The following EDA variants were observed in gnomAD, a reference collection of about 807,000 sequenced individuals.
EDA encodes ectodysplasin A, also known as ectodysplasin-A.
In EDA, 2 loss-of-function variants were observed where a neutral mutation model predicts 23.6. The observed-to-expected ratio is 0.08, with a 90% CI of 0.03 to 0.27. The LOEUF (loss-of-function observed/expected upper bound fraction) is 0.27, where lower values mean the gene tolerates loss of function less well. Among genes scored for constraint, EDA ranks in the 10% least tolerant of loss-of-function variants. The pLI is 1.00. For missense variants in EDA, 229 were observed against 324.2 expected, an observed-to-expected ratio of 0.71 and a Z score of 2.26; for synonymous variants, 131 against 132.0, an observed-to-expected ratio of 0.99 and a Z score of 0.05.
chrX:69,879,674 GAAC>G (rs1431759953), intron 1 of EDA, among the ~76,000 whole-genome samples: 1 of 112,036 alleles, frequency 8.9e-6, no homozygotes, highest in African/African-American at 3.2e-5. Context: ...CCTCAAAACA[GAAC>G]AAGAAATACT....
chrX:69,736,361 CAG>C (rs1433513657), intron 1 of EDA, among the ~76,000 whole-genome samples: 1 of 110,992 alleles, frequency 9.0e-6, no homozygotes, highest in African/African-American at 3.3e-5. Context: ...TTTTTTGAGA[CAG>C]AGTCTTATTC....
At chrX:69,956,979 T>C in intron 1 of EDA, 48 bp from the exon 2 acceptor site, 8 of 1,124,573 alleles carry the variant, frequency 7.1e-6, no homozygotes, top group Non-Finnish European at 9.8e-6. Flanking sequence ...ATGTTGGCTA[T>C]GACTGAGTGG....
rs1227722943 is a variant in EDA at position 69,987,299 on chromosome X, AATTTTTTTT to A, written c.502+30168_502+30176del. ...TAAAAAAAAAAAAATTAAAAAAAAAAATTTTTTTTTTTAAAAATAAATAAATAAAAAAAA... is the reference window on the plus strand; with the variant it reads ...TAAAAAAAAAAAAATTAAAAAAAAAATTTAAAAATAAATAAATAAAAAAAA... On this transcript the variant is annotated intron_variant, in intron 2 of 7. Coordinates refer to ENST00000374552, the MANE Select transcript of EDA (RefSeq NM_001399.5). Among the ~76,000 whole-genome samples, 882 of 93,188 alleles carry A rather than the reference AATTTTTTTT, an allele frequency of 9.5e-3. 14 individuals are homozygous for A. The highest frequency in any genetic ancestry group is 0.029 in the African/African-American group (763 of 26,171). The allele number at this position is 93,188 out of a possible 115,157, so 80.9% of individuals were successfully genotyped here.
chrX:69,916,782 TAATA>T (rs2018353340), intron 1 of EDA, among the ~76,000 whole-genome samples: 1 of 110,847 alleles, frequency 9.0e-6, no homozygotes, highest in Non-Finnish European at 1.9e-5. Context: ...GTGCCTGGTA[TAATA>T]ATACTCTTTA....
At chrX:70,014,510 C>G (rs1206034979) in intron 2 of EDA, among the ~76,000 whole-genome samples, 1 of 111,986 alleles carries the variant, frequency 8.9e-6, no homozygotes, top group Non-Finnish European at 1.9e-5. Context: ...AGAACTCTGG[C>G]AATTCAAAAA....
chrX:69,800,493 C>G (rs150192870), intron 1 of EDA, among the ~76,000 whole-genome samples: 2,593 of 110,857 alleles, frequency 0.023, 61 homozygotes, highest in African/African-American at 0.082. Flanking sequence ...TCATGTGTAC[C>G]TTATAAATAT....
chrX:70,017,621 G>T (rs1008478319), intron 2 of EDA, among the ~76,000 whole-genome samples: 1 of 111,940 alleles, frequency 8.9e-6, no homozygotes. Flanking sequence ...CTCAATAGAT[G>T]CAGAAAAGGC....
chrX:69,758,192 A>G (rs2014183701), intron 1 of EDA, among the ~76,000 whole-genome samples: 1 of 112,422 alleles, frequency 8.9e-6, no homozygotes, highest in Non-Finnish European at 1.9e-5. Context: ...ATAGGCTTCA[A>G]AAGGTGTTCA....
At chrX:69,676,520 TTGTGTG>T (rs113231038) in intron 1 of EDA, among the ~76,000 whole-genome samples, 5 of 107,639 alleles carry the variant, frequency 4.6e-5, no homozygotes, top group East Asian at 5.9e-4. Flanking sequence ...GCACGTGTGC[TTGTGTG>T]TGTGTGTGTG....
In EDA at chrX:69,661,745, T is replaced by G. The variant is rs1321293691; in HGVS notation, c.396+45041T>G. On this transcript the variant is annotated intron_variant, in intron 1 of 7. Transcript: ENST00000374552. ...ACCAGTACCATGCTGTTTTGGTTAC[T>G]GTAGCCTTGTAGTATAGTTTGAAGT... 2.7e-5 allele frequency among the ~76,000 whole-genome samples: 3 copies of G among 111,762 alleles called. No homozygotes were observed. The South Asian group carries it at 1.1e-3, about 42-fold the overall frequency.
chrX:69,869,995 A>C (rs1460353100), intron 1 of EDA, among the ~76,000 whole-genome samples: 1 of 111,598 alleles, frequency 9.0e-6, no homozygotes, highest in Non-Finnish European at 1.9e-5. Context: ...GGACCCTCCC[A>C]GCTGGGATGA....
At chrX:69,961,629 G>A (rs1268993343) in intron 2 of EDA, among the ~76,000 whole-genome samples, 1 of 112,255 alleles carries the variant, frequency 8.9e-6, no homozygotes, top group African/African-American at 3.2e-5. Context: ...ATAAATGAAA[G>A]CATTGGCTAG....
At chrX:69,744,713 C>T (rs2013563857) in intron 1 of EDA, among the ~76,000 whole-genome samples, 1 of 112,089 alleles carries the variant, frequency 8.9e-6, no homozygotes, top group Non-Finnish European at 1.9e-5. Flanking sequence ...AGCAAAAAGA[C>T]GTTGTGGTTT....
chrX:69,902,634 C>T (rs1370253906), intron 1 of EDA, among the ~76,000 whole-genome samples: 2 of 112,187 alleles, frequency 1.8e-5, no homozygotes, highest in East Asian at 5.6e-4. Flanking sequence ...GTTATTTGAT[C>T]TGGCAGTTTA....
chrX:69,951,021 A>G (rs1173681799), intron 1 of EDA, among the ~76,000 whole-genome samples: 19 of 105,696 alleles, frequency 1.8e-4, no homozygotes, highest in East Asian at 3.1e-4. Context: ...CAGCACACCA[A>G]CATGGCACAT....
Position 69,987,067 on chromosome X carries a change from T to G in EDA, c.502+29935T>G, listed in dbSNP as rs200147599. Reference sequence around the variant, plus strand: ...CATATTCTCACTCATAGGTGGGAATTGAACAATGAGATCACATGGACACAG... The same window carrying G: ...CATATTCTCACTCATAGGTGGGAATGGAACAATGAGATCACATGGACACAG... On this transcript the variant is annotated intron_variant, in intron 2 of 7. Transcript: ENST00000374552. Among the ~76,000 whole-genome samples the G allele has an allele frequency of 2.9e-3, 227 of 77,073 alleles. 7 individuals carry two copies. The East Asian group carries it at 0.063, about 21-fold the overall frequency. 66.9% of individuals were successfully genotyped at this position (77,073 alleles called of 115,157 possible).
chrX:69,785,488 A>G (rs1356572360), intron 1 of EDA, among the ~76,000 whole-genome samples: 2 of 107,693 alleles, frequency 1.9e-5, no homozygotes, highest in Admixed American at 2.0e-4. Flanking sequence ...ATTTATTGAG[A>G]GTTTTTAGCA....
intron 1 of EDA, among the ~76,000 whole-genome samples, chrX:69,764,474 C>G (rs1318928891): frequency 9.3e-6 from 1 of 108,045 alleles, no homozygotes; most frequent in Non-Finnish European, 1.9e-5. Context: ...AACTCCTGAT[C>G]TCAAGTGATC....
chrX:69,933,309 CTTGT>C (rs1290643536), intron 1 of EDA, among the ~76,000 whole-genome samples: 2 of 111,827 alleles, frequency 1.8e-5, no homozygotes, highest in Admixed American at 1.9e-4. Context: ...ATTTGTAAAA[CTTGT>C]TTTTTTCTGG....
Sources: allele counts gnomAD v4.1 joint callset (sites outside exome capture counted in the v4.1 genomes callset), GRCh38; gene constraint gnomAD v4.1.1; transcripts MANE v1.5; gene names NCBI Gene and HGNC (gene_info 2026-07-23, HGNC 2026-07-21).